The following NLGN1 variants were observed in gnomAD, a reference collection of about 807,000 sequenced individuals.
NLGN1 encodes the protein neuroligin 1.
Under a neutral mutation model 65.5 loss-of-function variants are expected in NLGN1, and 12 were observed. That is an observed-to-expected ratio of 0.18 (90% CI 0.12 to 0.30). The LOEUF (loss-of-function observed/expected upper bound fraction) is 0.30, where lower values mean the gene tolerates loss of function less well. Ranked by LOEUF, NLGN1 falls within the 10% of genes least tolerant of loss-of-function variation. The pLI is 1.00. For synonymous variants in NLGN1, 350 were observed against 359.5 expected (o/e 0.97, Z 0.30); for missense variants, 750 against 1,007.1 (o/e 0.74, Z 3.46).
chr3:173,671,319 G>A (rs1363376067), intron 3 of NLGN1, among the ~76,000 whole-genome samples: 1 of 151,998 alleles, frequency 6.6e-6, no homozygotes, highest in Non-Finnish European at 1.5e-5. Context: ...GGGCAAAATG[G>A]CGAAACCCCG....
chr3:174,125,918 C>T (rs1215877534), intron 4 of NLGN1, among the ~76,000 whole-genome samples: 8 of 152,082 alleles, frequency 5.3e-5, no homozygotes, highest in Non-Finnish European at 8.8e-5. Context: ...TAGCTGTTAA[C>T]TTTAACAACA....
chr3:173,772,641 C>T (rs371705790), intron 3 of NLGN1, among the ~76,000 whole-genome samples: 29 of 152,154 alleles, frequency 1.9e-4, no homozygotes, highest in South Asian at 1.3e-3. Context: ...ATAAAAACAT[C>T]AGCAACAAAA....
At chr3:173,830,007 T>TGGGTGGGGG (rs1263945037) in intron 4 of NLGN1, among the ~76,000 whole-genome samples, 1 of 128,598 alleles carries the variant, frequency 7.8e-6, no homozygotes, top group Admixed American at 7.4e-5. Flanking sequence ...GTGGGTAGTG[T>TGGGTGGGGG]GGGGGGGGGA....
At chr3:173,988,844 C>T (rs927671303) in intron 4 of NLGN1, among the ~76,000 whole-genome samples, 2 of 152,060 alleles carry the variant, frequency 1.3e-5, no homozygotes, top group African/African-American at 4.8e-5. Context: ...TACCACTACT[C>T]TCTCCTAAAC....
chr3:174,167,216 C>T (rs1020371369), intron 4 of NLGN1, among the ~76,000 whole-genome samples: 1 of 151,928 alleles, frequency 6.6e-6, no homozygotes, highest in Admixed American at 6.6e-5. Context: ...GGTTTTGATC[C>T]TATTGTGAAG....
At chr3:174,089,748 A>C (rs1055715630) in intron 4 of NLGN1, among the ~76,000 whole-genome samples, 10 of 152,168 alleles carry the variant, frequency 6.6e-5, no homozygotes, top group Non-Finnish European at 1.2e-4. Context: ...ATTCATGTGG[A>C]GTGTGCTGCA....
chr3:173,858,805 G>A (rs190099767), intron 4 of NLGN1, among the ~76,000 whole-genome samples: 78 of 151,992 alleles, frequency 5.1e-4, no homozygotes, highest in Non-Finnish European at 8.2e-4. Flanking sequence ...AAGTAGCACC[G>A]GATTTTTCAT....
intron 3 of NLGN1, among the ~76,000 whole-genome samples, chr3:173,620,564 G>A (rs1028669643): frequency 6.6e-6 from 1 of 151,958 alleles, no homozygotes; most frequent in Non-Finnish European, 1.5e-5. Context: ...AGGGGGAAAG[G>A]CACCAGAAAA....
At chr3:173,742,751 A>G (rs9847053) in intron 3 of NLGN1, among the ~76,000 whole-genome samples, 3,156 of 152,194 alleles carry the variant, frequency 0.021, 114 homozygotes, top group African/African-American at 0.073. Flanking sequence ...CATTTTTGCA[A>G]GGGAGCAAAA....
intron 4 of NLGN1, among the ~76,000 whole-genome samples, chr3:173,831,002 G>T (rs1242590342): frequency 6.6e-6 from 1 of 152,168 alleles, no homozygotes; most frequent in Non-Finnish European, 1.5e-5. Flanking sequence ...GATCGCTTCA[G>T]ATTTCATCTA....
chr3:173,623,564 T>C (rs748771729), intron 3 of NLGN1, among the ~76,000 whole-genome samples: 10 of 151,896 alleles, frequency 6.6e-5, no homozygotes, highest in Non-Finnish European at 1.2e-4. Context: ...AGCATTGAGA[T>C]GGGAAAGAAC....
rs1189279133 is a variant in NLGN1 at position 173,475,898 on chromosome 3, T to A, written c.-321+40820T>A. ...ATTGGGTCTATTAATTGGGTCTATT[T>A]ATTAACTAAACAAGCACTGCACTTT... On this transcript the variant is annotated intron_variant, in intron 2 of 6. Coordinates refer to ENST00000457714, the Ensembl canonical transcript of NLGN1. Among the ~76,000 whole-genome samples the A allele has an allele frequency of 3.3e-5, 5 of 152,346 alleles. 1 individual carries two copies. The East Asian group carries it at 7.7e-4, about 23-fold the overall frequency.
chr3:173,637,347 A>G lies in NLGN1; in HGVS notation c.493+32256A>G, dbSNP rs1756753897. ...ATCTGTCCTGCTATTATGGTACTTAAAAGGAATAGTGGACAGAGTGGTCCA... is the reference window on the plus strand; with the variant it reads ...ATCTGTCCTGCTATTATGGTACTTAGAAGGAATAGTGGACAGAGTGGTCCA... On this transcript the variant is annotated intron_variant, in intron 3 of 6. Transcript: ENST00000457714. Among the ~76,000 whole-genome samples, 4 of 152,248 alleles carry G rather than the reference A, an allele frequency of 2.6e-5. No homozygotes were observed. The South Asian group carries it at 8.3e-4, about 32-fold the overall frequency.
intron 3 of NLGN1, among the ~76,000 whole-genome samples, chr3:173,754,026 T>C (rs1776718767): frequency 4.2e-5 from 1 of 23,654 alleles, no homozygotes; most frequent in South Asian, 2.2e-3. Context: ...TTTCTTTTCT[T>C]TTTTTTTTTT....
intron 3 of NLGN1, among the ~76,000 whole-genome samples, chr3:173,753,403 C>T (rs533146477): frequency 6.6e-5 from 10 of 152,210 alleles, no homozygotes; most frequent in South Asian, 2.1e-4. Flanking sequence ...TCCAGTGGCT[C>T]GGGCCAAAAC....
At chr3:174,064,533 G>T (rs1479230601) in intron 4 of NLGN1, among the ~76,000 whole-genome samples, 1 of 150,660 alleles carries the variant, frequency 6.6e-6, no homozygotes, top group Non-Finnish European at 1.5e-5. Context: ...AGTTTCAAAT[G>T]AATTTAATTA....
chr3:173,833,174 G>A (rs1289408057), intron 4 of NLGN1, among the ~76,000 whole-genome samples: 1 of 152,154 alleles, frequency 6.6e-6, no homozygotes, highest in Admixed American at 6.5e-5. Flanking sequence ...TTGGCAAAGT[G>A]CATTGCAAGA....
At chr3:173,860,368 C>A (rs1456466113) in intron 4 of NLGN1, among the ~76,000 whole-genome samples, 2 of 151,894 alleles carry the variant, frequency 1.3e-5, no homozygotes, top group South Asian at 4.2e-4. Context: ...ACATTGTTGG[C>A]AATTTTTTAC....
At chr3:174,089,337 T>A in intron 4 of NLGN1, among the ~76,000 whole-genome samples, 1 of 152,320 alleles carries the variant, frequency 6.6e-6, no homozygotes, top group South Asian at 2.1e-4. Context: ...TACGTGGTTC[T>A]TCCGCTAGCC....
Sources: allele counts gnomAD v4.1 joint callset (sites outside exome capture counted in the v4.1 genomes callset), GRCh38; gene constraint gnomAD v4.1.1; transcripts MANE v1.5; gene names NCBI Gene and HGNC (gene_info 2026-07-23, HGNC 2026-07-21).